Variants in OR52N4 observed in about 807,000 individuals in gnomAD.
OR52N4 encodes the protein olfactory receptor family 52 subfamily N member 4.
Under a neutral mutation model 15.0 loss-of-function variants are expected in OR52N4, and 15 were observed. That is an observed-to-expected ratio of 1.00 (90% CI 0.67 to 1.54). OR52N4 has a LOEUF of 1.54. OR52N4 is among the 40% of genes most tolerant of loss of function. The pLI is 0.00. For missense variants in OR52N4, 421 were observed against 394.0 expected, an observed-to-expected ratio of 1.07 and a Z score of -0.58; for synonymous variants, 143 against 143.7, an observed-to-expected ratio of 1.00 and a Z score of 0.03.
the OR52N4 span, among the ~76,000 whole-genome samples, chr11:5,746,197 A>G: frequency 6.6e-6 from 1 of 152,200 alleles, no homozygotes; most frequent in African/African-American, 2.4e-5. Flanking sequence ...AACTATAAAT[A>G]TCCTAGAAGA....
chr11:5,744,551 A>C, the OR52N4 span, among the ~76,000 whole-genome samples: 167 of 152,320 alleles, frequency 1.1e-3, 2 homozygotes, highest in Non-Finnish European at 1.9e-3. Flanking sequence ...TAGTTCAACA[A>C]ATGCAAAAGT....
chr11:5,730,292 T>G, the OR52N4 span, among the ~76,000 whole-genome samples: 1 of 150,400 alleles, frequency 6.6e-6, no homozygotes, highest in Non-Finnish European at 1.5e-5. Context: ...CCCGGGTTCA[T>G]GCCATTCTCC....
At chr11:5,753,901 G>A (rs185031169), upstream of OR52N4, among the ~76,000 whole-genome samples, 113 of 150,132 alleles carry the variant, frequency 7.5e-4, 1 homozygote, top group Admixed American at 5.0e-3. Context: ...GCTAAGACAG[G>A]AGAATTGCTT....
rs1854251883 is a variant in OR52N4 at position 5,754,320 on chromosome 11, C to A, written c.-49+15C>A. 1 of 156,020 alleles carries A rather than the reference C, an allele frequency of 6.4e-6. No individual in the cohort carries two copies. Among genetic ancestry groups the A allele is most frequent in the Non-Finnish European group, 1.4e-5 (1 of 70,856 alleles). The allele number at this position is 156,020 out of a possible 1,614,324, so 9.7% of individuals were successfully genotyped here. The stretch of plus-strand genomic sequence containing the variant: ...TCATCAGTGAGGTAATCAAATGACT[C>A]TTCTTTAAAATTATATCTATATTGA... On this transcript the variant is annotated intron_variant, in intron 1 of 1. Coordinates refer to ENST00000641350, the MANE Select transcript of OR52N4 (RefSeq NM_001005175.5).
At chr11:5,729,158 C>T in the OR52N4 span, among the ~76,000 whole-genome samples, 1 of 122,658 alleles carries the variant, frequency 8.2e-6, no homozygotes, top group Admixed American at 1.1e-4. Flanking sequence ...CTCGCTCTGT[C>T]ACCCAGGCTG....
the OR52N4 span, among the ~76,000 whole-genome samples, chr11:5,728,432 GA>G: frequency 6.6e-6 from 1 of 152,164 alleles, no homozygotes; most frequent in Non-Finnish European, 1.5e-5. Flanking sequence ...ACTAAGATTG[GA>G]AACCAGTTAC....
At position 5,755,351 on chromosome 11, in the gene OR52N4, T is replaced by C. The variant is rs1286075055; in HGVS notation, c.611T>C (p.Val204Ala). 2 of 1,614,096 alleles carry C rather than the reference T, an allele frequency of 1.2e-6. No individual in the cohort carries two copies. The highest frequency in any genetic ancestry group is 1.7e-6 in the Non-Finnish European group (2 of 1,179,986). ...GTCAATGCCATCTATGGTCTGATGG[T>C]TGCCCTCCTGATTTGGGGCTTTGAC... ...VKVNAIYGLMVALLIWGFDIL... is the reference protein window; with the variant it reads ...VKVNAIYGLMAALLIWGFDIL... The change falls in exon 2 of 2, where the codon GTT becomes GCT. Residue 204 changes from valine (V) to alanine (A), a missense_variant. Coordinates refer to ENST00000641350, the MANE Select transcript of OR52N4 (RefSeq NM_001005175.5).
the OR52N4 span, among the ~76,000 whole-genome samples, chr11:5,744,465 C>T: frequency 2.4e-3 from 371 of 152,312 alleles, 1 homozygote; most frequent in African/African-American, 8.5e-3. Context: ...CAGCGAAATA[C>T]TACAAGACAA....
At chr11:5,738,713 G>A in the OR52N4 span, among the ~76,000 whole-genome samples, 13 of 152,052 alleles carry the variant, frequency 8.5e-5, no homozygotes, top group Non-Finnish European at 1.5e-4. Flanking sequence ...GCAGGAGGTC[G>A]ATATAGAAAT....
chr11:5,752,038 T>C (rs1239086845), upstream of OR52N4, among the ~76,000 whole-genome samples: 3 of 152,066 alleles, frequency 2.0e-5, no homozygotes, highest in African/African-American at 4.8e-5. Context: ...GAGGTTTGCC[T>C]ATCACAAAGC....
chr11:5,730,458 T>G, the OR52N4 span, among the ~76,000 whole-genome samples: 1 of 152,002 alleles, frequency 6.6e-6, no homozygotes, highest in Non-Finnish European at 1.5e-5. Context: ...CCCAAAGTGC[T>G]GGGATTACAG....
At chr11:5,737,093 G>T in the OR52N4 span, 2 of 1,614,058 alleles carry the variant, frequency 1.2e-6, no homozygotes, top group Non-Finnish European at 1.7e-6. Context: ...TAACCTTGGG[G>T]TCACAAGCCT....
chr11:5,741,275 C>T, the OR52N4 span, among the ~76,000 whole-genome samples: 40,459 of 152,022 alleles, frequency 0.27, 5,749 homozygotes, highest in East Asian at 0.39. Flanking sequence ...GATCTTAAGA[C>T]ATAAGAACAT....
Position 5,754,943 on chromosome 11 carries a change from T to G in OR52N4, c.203T>G (p.Leu68Arg). The G allele has an allele frequency of 2.5e-6, 4 of 1,613,864 alleles. No individual in the cohort carries two copies. The highest frequency in any genetic ancestry group is 3.4e-6 in the Non-Finnish European group (4 of 1,179,830). Residue 68 changes from leucine (L) to arginine (R), a missense_variant, in exon 2 of 2, where the codon CTT (leucine) becomes CGT (arginine). By Grantham distance (102) the Leu-to-Arg change is moderately radical (BLOSUM62 -2). Transcript: ENST00000641350. ...HKPMYYFLAM[L>R]SFTDLVMCSS... ...CCCATGTACTACTTCTTGGCCATGC[T>G]TTCCTTTACTGACCTTGTTATGTGC... is the stretch of plus-strand genomic sequence containing the variant.
the OR52N4 span, among the ~76,000 whole-genome samples, chr11:5,746,265 A>G: frequency 6.6e-6 from 1 of 152,204 alleles, no homozygotes; most frequent in Non-Finnish European, 1.5e-5. Flanking sequence ...TAAGTTGTTG[A>G]AAGGAAATGC....
chr11:5,726,891 A>AC, the OR52N4 span: 1 of 158,278 alleles, frequency 6.3e-6, no homozygotes, highest in African/African-American at 2.4e-5. Flanking sequence ...GCCATCTGCC[A>AC]CCCACTCCGC....
the OR52N4 span, chr11:5,736,228 G>A: frequency 5.6e-6 from 2 of 356,238 alleles, no homozygotes; most frequent in South Asian, 3.4e-5. Context: ...GAAAGGCTAT[G>A]TAAGACGTTA....
At chr11:5,732,376 T>G in the OR52N4 span, among the ~76,000 whole-genome samples, 2 of 152,182 alleles carry the variant, frequency 1.3e-5, no homozygotes, top group Admixed American at 6.5e-5. Context: ...AACTTACTCT[T>G]TAGCCCACTC....
the OR52N4 span, among the ~76,000 whole-genome samples, chr11:5,747,358 G>T: frequency 6.6e-6 from 1 of 151,924 alleles, no homozygotes; most frequent in Non-Finnish European, 1.5e-5. Context: ...GGAGGAATAA[G>T]TTCAAGAAAT....
Sources: allele counts gnomAD v4.1 joint callset (sites outside exome capture counted in the v4.1 genomes callset), GRCh38; gene constraint gnomAD v4.1.1; transcripts MANE v1.5; gene names NCBI Gene and HGNC (gene_info 2026-07-23, HGNC 2026-07-21).